Variants in FRMD5 observed in about 807,000 individuals in gnomAD.
FRMD5 encodes the protein FERM domain containing 5.
Under a neutral mutation model 69.0 loss-of-function variants are expected in FRMD5, and 20 were observed. The ratio of observed to expected loss-of-function variants is 0.29; its 90% CI spans 0.20 to 0.42. The LOEUF (loss-of-function observed/expected upper bound fraction) is 0.42, where lower values mean the gene tolerates loss of function less well. Among genes scored for constraint, FRMD5 ranks in the 10% least tolerant of loss-of-function variants. The probability of loss-of-function intolerance (pLI) is 1.00; values close to 1 mark genes in which losing one functional copy is unlikely to be tolerated. For missense variants in FRMD5, 595 were observed against 708.6 expected (o/e 0.84, Z 1.82); for synonymous variants, 271 against 260.1 (o/e 1.04, Z -0.40).
intron 1 of FRMD5, among the ~76,000 whole-genome samples, chr15:43,925,886 C>G (rs1039582543): frequency 6.6e-6 from 1 of 152,228 alleles, no homozygotes; most frequent in Non-Finnish European, 1.5e-5. Flanking sequence ...TACAGCCCTT[C>G]CCAGTTACTT....
chr15:44,085,906 G>A lies in FRMD5; in HGVS notation c.102+109047C>T, dbSNP rs541916629. On this transcript the variant is annotated intron_variant, in intron 1 of 13. Transcript: ENST00000417257. ...ATCAATAATGAAATGGAGACTTGAA[G>A]ACATTAAATAATTTGCCCAAATCAC... Among the ~76,000 whole-genome samples the A allele has an allele frequency of 1.7e-3, 256 of 152,060 alleles. 1 individual carries two copies. The highest frequency in any genetic ancestry group is 2.5e-3 in the Non-Finnish European group (172 of 67,998).
At chr15:44,165,198 C>T (rs1010253050) in intron 1 of FRMD5, among the ~76,000 whole-genome samples, 2 of 152,208 alleles carry the variant, frequency 1.3e-5, no homozygotes, top group Non-Finnish European at 2.9e-5. Context: ...GCAGGCGGAT[C>T]ACCTGAGGTC....
At chr15:43,935,937 C>A (rs1218695019) in intron 1 of FRMD5, among the ~76,000 whole-genome samples, 2 of 152,224 alleles carry the variant, frequency 1.3e-5, no homozygotes, top group African/African-American at 2.4e-5. Context: ...AAGGCACTAC[C>A]TGAGCTATCT....
At chr15:44,074,485 T>C (rs775743766) in intron 1 of FRMD5, among the ~76,000 whole-genome samples, 5 of 151,888 alleles carry the variant, frequency 3.3e-5, no homozygotes, top group Non-Finnish European at 7.4e-5. Flanking sequence ...AAAATGGAAA[T>C]CACAGAGCTG....
chr15:43,873,111 T>G lies in FRMD5; in HGVS notation c.*774A>C. ...AAAAAAAAAATCACGTTAAGTCTAG[T>G]TTCATTATACAAAACTATGGTGATG... On this transcript the variant is annotated 3_prime_UTR_variant, in exon 14 of 14. Coordinates refer to ENST00000417257, the MANE Select transcript of FRMD5 (RefSeq NM_032892.5). 6.9e-7 allele frequency: 1 copy of G among 1,448,196 alleles called. No homozygotes were observed. Among genetic ancestry groups the G allele is most frequent in the Non-Finnish European group, 9.4e-7 (1 of 1,065,350 alleles). 89.7% of individuals were successfully genotyped at this position (1,448,196 alleles called of 1,614,324 possible).
intron 1 of FRMD5, among the ~76,000 whole-genome samples, chr15:44,008,066 T>C (rs1363247128): frequency 2.0e-5 from 3 of 150,728 alleles, no homozygotes; most frequent in African/African-American, 7.3e-5. Context: ...TTCAGCCTAC[T>C]GAGTAGGTGG....
intron 7 of FRMD5, among the ~76,000 whole-genome samples, chr15:43,897,107 A>C (rs1256146635): frequency 1.3e-5 from 2 of 152,124 alleles, no homozygotes; most frequent in African/African-American, 4.8e-5. Flanking sequence ...TTTCAGCAGT[A>C]AATCTAACAC....
chr15:44,118,412 G>A (rs555017306), intron 1 of FRMD5, among the ~76,000 whole-genome samples: 1 of 152,162 alleles, frequency 6.6e-6, no homozygotes, highest in South Asian at 2.1e-4. Context: ...CATATTTGTG[G>A]TCTCCTCCTC....
intron 1 of FRMD5, among the ~76,000 whole-genome samples, chr15:44,051,656 T>C (rs920778481): frequency 2.0e-5 from 3 of 152,134 alleles, no homozygotes; most frequent in African/African-American, 7.2e-5. Context: ...TGTAGTCATG[T>C]CTCCTTAGGC....
At chr15:44,145,061 T>G (rs2077336027) in intron 1 of FRMD5, among the ~76,000 whole-genome samples, 1 of 152,188 alleles carries the variant, frequency 6.6e-6, no homozygotes, top group African/African-American at 2.4e-5. Flanking sequence ...AATTAAAATT[T>G]TACACTGAAG....
Position 43,962,793 on chromosome 15 carries a change from C to T in FRMD5, c.103-38484G>A, listed in dbSNP as rs141393604. On this transcript the variant is annotated intron_variant, in intron 1 of 13. Coordinates refer to ENST00000417257, the MANE Select transcript of FRMD5 (RefSeq NM_032892.5). ...TGATCTTTGACAAACCTGAGAAAAA[C>T]AAGCAATGGGGAAAGGATTCCCTAT... Among the ~76,000 whole-genome samples, 428 of 152,286 alleles carry T rather than the reference C, an allele frequency of 2.8e-3. 2 individuals are homozygous for T. Among genetic ancestry groups the T allele is most frequent in the African/African-American group, 9.7e-3 (402 of 41,560 alleles).
intron 1 of FRMD5, among the ~76,000 whole-genome samples, chr15:44,111,737 G>A (rs2076798835): frequency 6.6e-6 from 1 of 152,158 alleles, no homozygotes; most frequent in African/African-American, 2.4e-5. Context: ...AGTCATTTGA[G>A]GTGCACGAAG....
At chr15:43,982,828 G>C (rs1390257416) in intron 1 of FRMD5, among the ~76,000 whole-genome samples, 1 of 151,968 alleles carries the variant, frequency 6.6e-6, no homozygotes, top group Non-Finnish European at 1.5e-5. Context: ...TTTAAATCAG[G>C]GTATGAGACT....
intron 13 of FRMD5, among the ~76,000 whole-genome samples, chr15:43,879,217 A>C (rs527945335): frequency 9.3e-4 from 141 of 152,246 alleles, no homozygotes; most frequent in African/African-American, 3.4e-3. Context: ...GATTACAGGC[A>C]TGAGCCACCA....
At chr15:44,057,720 G>T (rs562453317) in intron 1 of FRMD5, among the ~76,000 whole-genome samples, 1 of 152,192 alleles carries the variant, frequency 6.6e-6, no homozygotes, top group Non-Finnish European at 1.5e-5. Context: ...ACACACATTA[G>T]TTCTAATTTT....
chr15:44,001,507 T>C (rs1890209820), intron 1 of FRMD5, among the ~76,000 whole-genome samples: 2 of 152,022 alleles, frequency 1.3e-5, no homozygotes, highest in South Asian at 4.1e-4. Context: ...TTTCCCCCTA[T>C]ATTTTCTTCT....
chr15:44,054,139 T>C (rs146032569), intron 1 of FRMD5, among the ~76,000 whole-genome samples: 4 of 152,240 alleles, frequency 2.6e-5, no homozygotes, highest in Non-Finnish European at 5.9e-5. Flanking sequence ...TGATCACTTA[T>C]GTCTTTTAAA....
chr15:43,949,812 A>T (rs2089999162), intron 1 of FRMD5, among the ~76,000 whole-genome samples: 2 of 152,148 alleles, frequency 1.3e-5, no homozygotes, highest in Non-Finnish European at 2.9e-5. Context: ...GACACAAGGC[A>T]TCCATTACAG....
At chr15:44,009,074 C>T (rs1054486046) in intron 1 of FRMD5, among the ~76,000 whole-genome samples, 2 of 152,128 alleles carry the variant, frequency 1.3e-5, no homozygotes, top group African/African-American at 4.8e-5. Context: ...ACGACAGGAA[C>T]CATGTCTGTC....
Sources: allele counts gnomAD v4.1 joint callset (sites outside exome capture counted in the v4.1 genomes callset), GRCh38; gene constraint gnomAD v4.1.1; transcripts MANE v1.5; gene names NCBI Gene and HGNC (gene_info 2026-07-23, HGNC 2026-07-21).